The following DOCK10 variants were observed in gnomAD, a reference collection of about 807,000 sequenced individuals.
DOCK10 encodes the protein dedicator of cytokinesis protein 10.
A neutral mutation model predicts 280.1 loss-of-function variants in DOCK10; 145 were observed. The observed-to-expected ratio is 0.52, with a 90% CI of 0.45 to 0.59. The LOEUF (loss-of-function observed/expected upper bound fraction) is 0.59, where lower values mean the gene tolerates loss of function less well. Ranked by LOEUF, DOCK10 falls within the 20% of genes least tolerant of loss-of-function variation. DOCK10 has a pLI of 0.00. For synonymous variants in DOCK10, 915 were observed against 942.2 expected (o/e 0.97, Z 0.53); for missense variants, 2,368 against 2,651.7 (o/e 0.89, Z 2.35).
chr2:224,885,436 GA>G (rs1699222148), intron 7 of DOCK10, among the ~76,000 whole-genome samples: 1 of 151,870 alleles, frequency 6.6e-6, no homozygotes, highest in Non-Finnish European at 1.5e-5. Context: ...TTTCTTTATT[GA>G]AAAATTTACC....
Position 224,921,092 on chromosome 2 carries a change from TAA to T in DOCK10, c.244-4310_244-4309del, listed in dbSNP as rs781152272. ...CAACATGGGAAAACACCGTCTCTAT[TAA>T]AAAAAAAAAAAAAAAAAAATATATA... On this transcript the variant is annotated intron_variant, in intron 2 of 55. Transcript: ENST00000258390. Among the ~76,000 whole-genome samples, 284 of 59,466 alleles carry T rather than the reference TAA, an allele frequency of 4.8e-3. 10 individuals are homozygous for T. The highest frequency in any genetic ancestry group is 0.019 in the African/African-American group (152 of 8,056). The allele number at this position is 59,466 out of a possible 152,430, so 39.0% of individuals were successfully genotyped here.
intron 51 of DOCK10, among the ~76,000 whole-genome samples, chr2:224,776,482 C>T (rs953114232): frequency 1.3e-5 from 2 of 152,084 alleles, no homozygotes; most frequent in African/African-American, 4.8e-5. Flanking sequence ...CTAGGAGAGC[C>T]ACTAATAAAG....
In DOCK10 at chr2:224,830,620, G is replaced by GA. The variant is rs747118983; in HGVS notation, c.2965-9dup. 9.6e-4 allele frequency: 1,360 copies of GA among 1,413,080 alleles called. 12 individuals are homozygous for GA. The highest frequency in any genetic ancestry group is 5.2e-4 in the South Asian group (35 of 67,692). 87.5% of individuals were successfully genotyped at this position (1,413,080 alleles called of 1,614,324 possible). On this transcript the variant is annotated splice_polypyrimidine_tract_variant and intron_variant, in intron 26 of 55. Coordinates refer to ENST00000258390, the MANE Select transcript of DOCK10 (RefSeq NM_014689.3). ...AAAGAAGAACCAGGAATGCTGTTGG[G>GA]AAAAAAAAGGCAACGAGACATTTAT...
chr2:224,998,318 C>T (rs202019982), intron 1 of DOCK10, among the ~76,000 whole-genome samples: 1 of 112,438 alleles, frequency 8.9e-6, no homozygotes, highest in Non-Finnish European at 1.9e-5. Context: ...TAAAAATGAA[C>T]AAGGAGCAAA....
chr2:224,937,034 A>C (rs557673054), intron 1 of DOCK10, among the ~76,000 whole-genome samples: 1 of 152,322 alleles, frequency 6.6e-6, no homozygotes, highest in South Asian at 2.1e-4. Context: ...AAATAATTAC[A>C]GATTATATAT....
rs1209790969 is a variant in DOCK10, at chr2:224,770,687, A to G, written c.6205-42T>C. 5.6e-6 allele frequency: 8 copies of G among 1,440,548 alleles called. No individual in the cohort carries two copies. Among genetic ancestry groups the G allele is most frequent in the Non-Finnish European group, 7.8e-6 (8 of 1,022,474 alleles). The allele number at this position is 1,440,548 out of a possible 1,614,324, so 89.2% of individuals were successfully genotyped here. On this transcript the variant is annotated intron_variant, in intron 53 of 55. Coordinates refer to ENST00000258390, the MANE Select transcript of DOCK10 (RefSeq NM_014689.3). This position sits in a 1 kb window ranked among gnomAD's most constrained non-coding sequence, Gnocchi z 4.5. ...TGGTGAAGGATGATCTACCTTCTGC[A>G]TGGAGTCTTTTCCACCGCTGGAAGA...
chr2:224,927,291 G>A (rs959199047), intron 2 of DOCK10, among the ~76,000 whole-genome samples: 4 of 152,208 alleles, frequency 2.6e-5, no homozygotes, highest in Non-Finnish European at 4.4e-5. Flanking sequence ...CCAGATGACA[G>A]GGGTTATGGG....
At position 224,778,041 on chromosome 2, in the gene DOCK10, T is replaced by C. The variant is rs941357263; in HGVS notation, c.5802+97A>G. 3 of 1,296,846 alleles carry C rather than the reference T, an allele frequency of 2.3e-6. No individual in the cohort carries two copies. In the African/African-American group the frequency reaches 4.5e-5, roughly 19 times the overall value. 80.3% of individuals were successfully genotyped at this position (1,296,846 alleles called of 1,614,324 possible). A position where few individuals can be genotyped will look rare whatever the true frequency, so the allele number is the denominator to read the frequency against. ...ATCTAAAATCGTTTTTGTAGTTTAC[T>C]TTGCATCGTCAGGCAGAAAATGAAA... On this transcript the variant is annotated intron_variant, in intron 51 of 55. Transcript: ENST00000258390.
chr2:224,931,181 C>T (rs1320360884), intron 2 of DOCK10, among the ~76,000 whole-genome samples: 2 of 152,144 alleles, frequency 1.3e-5, no homozygotes, highest in East Asian at 3.8e-4. Context: ...CTGTCTTTGC[C>T]ATTGGTTGGT....
Position 224,874,489 on chromosome 2 carries a change from G to C in DOCK10, c.1018-140C>G, listed in dbSNP as rs1186736558. ...TTAACACTTGGCAAATCTTGTAAAA[G>C]TATGTTTCCTTTTTGAGCCCTATGT... is the stretch of plus-strand genomic sequence containing the variant. On this transcript the variant is annotated intron_variant, in intron 9 of 55. Coordinates refer to ENST00000258390, the MANE Select transcript of DOCK10 (RefSeq NM_014689.3). 8 of 923,268 alleles carry C rather than the reference G, an allele frequency of 8.7e-6. No homozygotes were observed. The East Asian group carries it at 2.1e-4, about 24-fold the overall frequency. The allele number at this position is 923,268 out of a possible 1,614,324, so 57.2% of individuals were successfully genotyped here.
chr2:224,817,181 C>T (rs916782581), intron 29 of DOCK10, among the ~76,000 whole-genome samples: 1 of 152,168 alleles, frequency 6.6e-6, no homozygotes, highest in Admixed American at 6.5e-5. Flanking sequence ...CCCTGTATGC[C>T]ACATGTTCTC....
At chr2:224,911,981 C>T (rs1266470738) in intron 3 of DOCK10, among the ~76,000 whole-genome samples, 4 of 152,080 alleles carry the variant, frequency 2.6e-5, no homozygotes, top group African/African-American at 4.8e-5. Context: ...ATGCCATTTT[C>T]ATCAGCAAAC....
At chr2:225,012,076 C>T (rs1255992609) in intron 1 of DOCK10, among the ~76,000 whole-genome samples, 1 of 152,076 alleles carries the variant, frequency 6.6e-6, no homozygotes, top group Non-Finnish European at 1.5e-5. Context: ...ATCATGTCTC[C>T]AGATTTCTCA....
At chr2:224,833,316 C>CTT (rs997991338) in intron 26 of DOCK10, among the ~76,000 whole-genome samples, 1 of 149,694 alleles carries the variant, frequency 6.7e-6, no homozygotes, top group Non-Finnish European at 1.5e-5. Context: ...CATCGTCCAT[C>CTT]TTTTTTTTTT....
chr2:224,980,500 A>C lies in DOCK10; in HGVS notation c.124-48832T>G, dbSNP rs946491046. On this transcript the variant is annotated intron_variant, in intron 1 of 55. Transcript: ENST00000258390. The stretch of plus-strand genomic sequence containing the variant: ...ATGGGTTTGTTCATTGGCGGATTCC[A>C]AGTGCCTGAACCAGTGCTTGGACCA... Among the ~76,000 whole-genome samples, 3 of 152,218 alleles carry C rather than the reference A, an allele frequency of 2.0e-5. No individual in the cohort carries two copies. In the East Asian group the frequency reaches 5.8e-4, roughly 29 times the overall value.
intron 23 of DOCK10, among the ~76,000 whole-genome samples, chr2:224,840,540 C>A (rs939932691): frequency 6.6e-6 from 1 of 152,038 alleles, no homozygotes; most frequent in African/African-American, 2.4e-5. Context: ...TGGAGAAATG[C>A]AAATTAAAAC....
At chr2:224,843,505 T>A (rs967845159) in intron 22 of DOCK10, among the ~76,000 whole-genome samples, 6 of 152,150 alleles carry the variant, frequency 3.9e-5, no homozygotes, top group Non-Finnish European at 8.8e-5. Context: ...TAAATCATTG[T>A]GGGTGCAGGG....
At chr2:225,013,144 G>A (rs922578094) in intron 1 of DOCK10, among the ~76,000 whole-genome samples, 1 of 152,154 alleles carries the variant, frequency 6.6e-6, no homozygotes, top group Non-Finnish European at 1.5e-5. Context: ...AGATTAATCA[G>A]TGAGTCCTGA....
intron 4 of DOCK10, among the ~76,000 whole-genome samples, chr2:224,890,146 A>G (rs950669391): frequency 7.9e-5 from 12 of 152,222 alleles, no homozygotes; most frequent in African/African-American, 2.9e-4. Context: ...TTTGACCTTG[A>G]TGCAATGGTA....
Sources: allele counts gnomAD v4.1 joint callset (sites outside exome capture counted in the v4.1 genomes callset), GRCh38; gene constraint gnomAD v4.1.1; non-coding constraint Gnocchi (gnomAD v3.1); transcripts MANE v1.5; gene names NCBI Gene and HGNC (gene_info 2026-07-23, HGNC 2026-07-21).